Variants in TSNAX observed in about 807,000 individuals in gnomAD.
The protein encoded by TSNAX is translin associated factor X.
In TSNAX, 12 loss-of-function variants were observed where a neutral mutation model predicts 33.0. The observed-to-expected ratio is 0.36, with a 90% CI of 0.23 to 0.59. The LOEUF is 0.59. Among genes scored for constraint, TSNAX ranks in the 20% least tolerant of loss-of-function variants. The probability of loss-of-function intolerance (pLI) is 0.74; values close to 1 mark genes in which losing one functional copy is unlikely to be tolerated. For synonymous variants in TSNAX, 110 were observed against 117.2 expected (o/e 0.94, Z 0.40); for missense variants, 267 against 341.3 (o/e 0.78, Z 1.72).
chr1:231,552,776 T>C (rs181966621), intron 4 of TSNAX, among the ~76,000 whole-genome samples: 4 of 152,332 alleles, frequency 2.6e-5, no homozygotes, highest in African/African-American at 9.6e-5. Flanking sequence ...TAGCCCCTGG[T>C]CACCACTAAT....
intron 5 of TSNAX, among the ~76,000 whole-genome samples, chr1:231,564,303 A>T (rs1447134435): frequency 6.6e-6 from 1 of 152,242 alleles, no homozygotes; most frequent in Non-Finnish European, 1.5e-5. Flanking sequence ...TCTTGAAGTC[A>T]TCTGGTTCAT....
At chr1:231,545,708 A>G (rs1558127543) in intron 4 of TSNAX, among the ~76,000 whole-genome samples, 1 of 152,210 alleles carries the variant, frequency 6.6e-6, no homozygotes, top group South Asian at 2.1e-4. Context: ...AACTAAGTTT[A>G]TATCCTAATT....
intron 2 of TSNAX, among the ~76,000 whole-genome samples, chr1:231,530,650 G>GC (rs35406395): frequency 0.21 from 32,335 of 151,068 alleles, 4,510 homozygotes; most frequent in Middle Eastern, 0.35. Context: ...GGCGGAGCTT[G>GC]CAGTGAGCCG....
chr1:231,547,389 C>CTTTTTTTTT (rs71179784), intron 4 of TSNAX, among the ~76,000 whole-genome samples: 30 of 104,698 alleles, frequency 2.9e-4, no homozygotes, highest in East Asian at 7.7e-4. Context: ...TTTTTTTTTT[C>CTTTTTTTTT]TTTTTTTTTT....
At chr1:231,532,412 C>T (rs560611115) in intron 2 of TSNAX, among the ~76,000 whole-genome samples, 4 of 151,776 alleles carry the variant, frequency 2.6e-5, no homozygotes, top group East Asian at 3.9e-4. Flanking sequence ...CTGCTGGTCT[C>T]GAACTCCTGG....
Position 231,566,022 on chromosome 1 carries a change from T to C in TSNAX, c.*1117T>C, listed in dbSNP as rs1661409082. ...TATTTAGCAATTTTTGTTTTTGTTA[T>C]ATTAGGCATGTTTGGAGGCTTTCCT... On this transcript the variant is annotated 3_prime_UTR_variant, in exon 6 of 6. Transcript: ENST00000366639. 6.6e-6 allele frequency: 1 copy of C among 152,198 alleles called. No individual in the cohort carries two copies. The highest frequency in any genetic ancestry group is 6.5e-5 in the Admixed American group (1 of 15,274). The allele number at this position is 152,198 out of a possible 1,614,324, so 9.4% of individuals were successfully genotyped here.
At chr1:231,562,186 ATTAAT>A (rs1294779084) in intron 5 of TSNAX, among the ~76,000 whole-genome samples, 4 of 148,340 alleles carry the variant, frequency 2.7e-5, no homozygotes, top group African/African-American at 4.9e-5. Flanking sequence ...TTATTAAATT[ATTAAT>A]TTAATTTACT....
chr1:231,529,916 G>C (rs1179766549), intron 2 of TSNAX, among the ~76,000 whole-genome samples: 3 of 152,178 alleles, frequency 2.0e-5, no homozygotes, highest in Non-Finnish European at 4.4e-5. Flanking sequence ...CCACTATCCT[G>C]TACCTTACGT....
chr1:231,537,433 T>C, intron 3 of TSNAX, 106 bp downstream of exon 3: 1 of 681,120 alleles, frequency 1.5e-6, no homozygotes, highest in South Asian at 2.2e-5. Context: ...AACTTAAGAG[T>C]TAATATTTTA....
At chr1:231,546,610 T>A (rs1049437885) in intron 4 of TSNAX, among the ~76,000 whole-genome samples, 1 of 152,330 alleles carries the variant, frequency 6.6e-6, no homozygotes, top group East Asian at 1.9e-4. Flanking sequence ...TGAGTGAGAT[T>A]AAGAGAGAAG....
At position 231,561,251 on chromosome 1, in the gene TSNAX, A is replaced by C; in HGVS notation, c.491A>C (p.Lys164Thr). ...ACTGAAGACAATGGGAAAGAAAATA[A>C]AACTGTGAGAATTTAAAATTTATTT... The part of the protein sequence containing the change: ...FTTEDNGKEN[K>T]TPSSDAQDKQ... Residue 164 changes from lysine to threonine, a missense_variant, in exon 5 of 6, where the codon AAA (lysine) becomes ACA (threonine). By Grantham distance (78) the Lys-to-Thr change is moderately conservative (BLOSUM62 -1). This residue lies in a region of TSNAX where 200 missense variants were observed against 214.1 expected (regional missense o/e 0.93). Coordinates refer to ENST00000366639, the MANE Select transcript of TSNAX (RefSeq NM_005999.3). 6.6e-7 allele frequency: 1 copy of C among 1,508,756 alleles called. No homozygotes were observed. The highest frequency in any genetic ancestry group is 9.1e-7 in the Non-Finnish European group (1 of 1,104,148). 93.5% of individuals were successfully genotyped at this position (1,508,756 alleles called of 1,614,324 possible).
chr1:231,550,542 C>G (rs1660231214), intron 4 of TSNAX, among the ~76,000 whole-genome samples: 1 of 152,194 alleles, frequency 6.6e-6, no homozygotes, highest in African/African-American at 2.4e-5. Context: ...GCATGGCCCC[C>G]TGGTGGAAAG....
At chr1:231,529,573 AAC>A (rs2124866944) in intron 2 of TSNAX, among the ~76,000 whole-genome samples, 1 of 152,366 alleles carries the variant, frequency 6.6e-6, no homozygotes, top group South Asian at 2.1e-4. Context: ...ACATGACTTA[AAC>A]ACAAGAAACA....
intron 4 of TSNAX, among the ~76,000 whole-genome samples, chr1:231,560,413 C>A (rs868598796): frequency 5.1e-5 from 5 of 97,686 alleles, no homozygotes; most frequent in African/African-American, 7.5e-5. Flanking sequence ...TTCTCCCCCC[C>A]CCCCCTTTTT....
At chr1:231,550,815 A>G (rs554459267) in intron 4 of TSNAX, among the ~76,000 whole-genome samples, 1 of 152,164 alleles carries the variant, frequency 6.6e-6, no homozygotes, top group Non-Finnish European at 1.5e-5. Flanking sequence ...AATCCCCTAC[A>G]TTGGCAGGAA....
chr1:231,558,366 T>G (rs1451398507), intron 4 of TSNAX, among the ~76,000 whole-genome samples: 1 of 152,170 alleles, frequency 6.6e-6, no homozygotes, highest in East Asian at 1.9e-4. Flanking sequence ...TTTACAGTTC[T>G]TTAAGCACCT....
chr1:231,553,950 T>G (rs985110090), intron 4 of TSNAX, among the ~76,000 whole-genome samples: 2 of 152,184 alleles, frequency 1.3e-5, no homozygotes, highest in Non-Finnish European at 2.9e-5. Context: ...CCTCCCAAAG[T>G]GCTGGGATTA....
chr1:231,540,253 A>T (rs890403591), intron 3 of TSNAX, among the ~76,000 whole-genome samples: 2 of 151,498 alleles, frequency 1.3e-5, no homozygotes, highest in African/African-American at 4.8e-5. Context: ...TTGTGAGAGG[A>T]CCTCATGTAT....
In TSNAX at chr1:231,562,486, T is replaced by C. The variant is rs547179023; in HGVS notation, c.495+1231T>C. ...AATTTCTTCATATTTTTTATTCATA[T>C]AGTGTAGACTGAATTACACAAAGAA... On this transcript the variant is annotated intron_variant, in intron 5 of 5. Transcript: ENST00000366639. Among the ~76,000 whole-genome samples the C allele has an allele frequency of 2.0e-4, 31 of 152,260 alleles. No homozygotes were observed. The South Asian group carries it at 4.8e-3, about 23-fold the overall frequency.
Sources: gnomAD v4.1 joint callset for allele counts (sites outside exome capture counted in the v4.1 genomes callset) on GRCh38, gnomAD v4.1.1 for gene constraint, gnomAD v4.1.1 regional missense constraint, MANE v1.5 for transcripts, NCBI Gene and HGNC (gene_info 2026-07-23, HGNC 2026-07-21) for gene names.